The following ADAMTS18 variants were observed in gnomAD, a reference collection of about 807,000 sequenced individuals.
The protein encoded by ADAMTS18 is A disintegrin and metalloproteinase with thrombospondin motifs 18.
A neutral mutation model predicts 165.9 loss-of-function variants in ADAMTS18; 157 were observed. The ratio of observed to expected loss-of-function variants is 0.95; its 90% CI spans 0.83 to 1.08. The LOEUF is 1.08. Ranked by LOEUF, ADAMTS18 falls within the 50% of genes least tolerant of loss-of-function variation. The probability of loss-of-function intolerance (pLI) is 0.00; values close to 1 mark genes in which losing one functional copy is unlikely to be tolerated. For missense variants in ADAMTS18, 2,040 were observed against 1,534.0 expected (o/e 1.33, Z -5.51); for synonymous variants, 782 against 578.2 (o/e 1.35, Z -5.06).
Position 77,367,685 on chromosome 16 carries a change from G to C in ADAMTS18, c.534C>G (p.Ile178Met), listed in dbSNP as rs1224190745. Residue 178 changes from isoleucine to methionine, a missense_variant, in exon 4 of 23, where the codon ATC becomes ATG. Transcript: ENST00000282849. ...LIRTRKNEFL[I>M]SPLPQLLAQE... Reference sequence around the variant, plus strand: ...GGGCCAGAAGCTGAGGTAATGGCGAGATGAGGAATTCATTTTTTCGTGTCC... The same window carrying C: ...GGGCCAGAAGCTGAGGTAATGGCGACATGAGGAATTCATTTTTTCGTGTCC... 1 of 1,614,180 alleles carries C rather than the reference G, an allele frequency of 6.2e-7. No homozygotes were observed. Among genetic ancestry groups the C allele is most frequent in the Admixed American group, 1.7e-5 (1 of 60,024 alleles).
rs541216828 is a variant in ADAMTS18, at chr16:77,423,203, C to T, written c.495+8092G>A. Reference sequence around the variant, plus strand: ...TTGCAGTTAAATGTTCTAAAGGCCTCCCTGTGTGTTTTAGCTGAATCTCTT... The same window carrying T: ...TTGCAGTTAAATGTTCTAAAGGCCTTCCTGTGTGTTTTAGCTGAATCTCTT... On this transcript the variant is annotated intron_variant, in intron 3 of 22. Coordinates refer to ENST00000282849, the MANE Select transcript of ADAMTS18 (RefSeq NM_199355.4). Among the ~76,000 whole-genome samples the T allele has an allele frequency of 3.3e-5, 5 of 152,286 alleles. No homozygotes were observed. In the East Asian group the frequency reaches 7.7e-4, roughly 24 times the overall value.
intron 10 of ADAMTS18, among the ~76,000 whole-genome samples, chr16:77,342,485 C>G (rs530969897): frequency 6.6e-6 from 1 of 152,148 alleles, no homozygotes; most frequent in Non-Finnish European, 1.5e-5. Context: ...GAGACAGATT[C>G]TTGCTTTGTG....
intron 3 of ADAMTS18, among the ~76,000 whole-genome samples, chr16:77,369,462 T>G (rs1043246963): frequency 6.6e-6 from 1 of 152,164 alleles, no homozygotes; most frequent in Non-Finnish European, 1.5e-5. Flanking sequence ...ATTTTGGATG[T>G]AGGTGGTTAA....
intron 11 of ADAMTS18, among the ~76,000 whole-genome samples, chr16:77,336,578 G>A (rs965307619): frequency 9.9e-5 from 15 of 152,154 alleles, no homozygotes; most frequent in Non-Finnish European, 2.2e-4. Flanking sequence ...ATGCTCTGAT[G>A]ACTTTGAGCT....
At chr16:77,311,371 C>T (rs1410128459) in intron 16 of ADAMTS18, among the ~76,000 whole-genome samples, 1 of 152,120 alleles carries the variant, frequency 6.6e-6, no homozygotes, top group Non-Finnish European at 1.5e-5. Context: ...ATATGTTTGG[C>T]TCCAAAAGTA....
chr16:77,361,412 A>T (rs1395160729), intron 7 of ADAMTS18, among the ~76,000 whole-genome samples: 1 of 152,240 alleles, frequency 6.6e-6, no homozygotes, highest in East Asian at 1.9e-4. Flanking sequence ...TGAGTACTTC[A>T]AAGTCAAGTA....
rs2057738623 is a variant in ADAMTS18 at position 77,431,430 on chromosome 16, A to G, written c.360T>C (p.Ser120=). The part of the protein sequence containing the change: ...LELKPSAILS[S]HFIVQVLGKD... ...TTCCAAGTACCTGGACAATAAAGTG[A>G]CTGCTCAAAATCGCCGAGGGCTTAA... is the stretch of plus-strand genomic sequence containing the variant. Residue 120 remains serine (S), a synonymous_variant, in exon 3 of 23, where the codon AGT becomes AGC. Transcript: ENST00000282849. 1 of 1,614,086 alleles carries G rather than the reference A, an allele frequency of 6.2e-7. No individual in the cohort carries two copies. Among genetic ancestry groups the G allele is most frequent in the Admixed American group, 1.7e-5 (1 of 60,002 alleles).
chr16:77,362,010 ATTAAG>A, intron 7 of ADAMTS18, 90 bp downstream of exon 7: 1 of 1,357,958 alleles, frequency 7.4e-7, no homozygotes, highest in Non-Finnish European at 1.0e-6. Context: ...ATGTCTGTTT[ATTAAG>A]GAACATAAGG....
intron 3 of ADAMTS18, among the ~76,000 whole-genome samples, chr16:77,371,416 G>T (rs1244028140): frequency 6.6e-6 from 1 of 151,992 alleles, no homozygotes; most frequent in East Asian, 1.9e-4. Context: ...AAAAAACATG[G>T]CATAGGAATA....
At chr16:77,322,874 A>G (rs2056028369) in intron 13 of ADAMTS18, among the ~76,000 whole-genome samples, 1 of 152,214 alleles carries the variant, frequency 6.6e-6, no homozygotes, top group Non-Finnish European at 1.5e-5. Flanking sequence ...TTTGGCCAGC[A>G]GCCCATAGTT....
chr16:77,347,552 G>C (rs1001380535), intron 10 of ADAMTS18, among the ~76,000 whole-genome samples: 3 of 151,712 alleles, frequency 2.0e-5, no homozygotes, highest in African/African-American at 4.9e-5. Context: ...ATTCCTGAGA[G>C]CAATTGATAT....
At chr16:77,373,128 G>T (rs541636585) in intron 3 of ADAMTS18, among the ~76,000 whole-genome samples, 2 of 151,682 alleles carry the variant, frequency 1.3e-5, no homozygotes, top group East Asian at 3.9e-4. Flanking sequence ...TGGCTTTCTG[G>T]TGCTCATTGC....
chr16:77,430,636 A>G (rs2057727351), intron 3 of ADAMTS18, among the ~76,000 whole-genome samples: 1 of 152,226 alleles, frequency 6.6e-6, no homozygotes, highest in African/African-American at 2.4e-5. Context: ...TTGAATCCTG[A>G]GAAGAGTATC....
intron 10 of ADAMTS18, among the ~76,000 whole-genome samples, chr16:77,346,351 G>A (rs1458871066): frequency 3.3e-5 from 5 of 152,056 alleles, no homozygotes; most frequent in Non-Finnish European, 7.4e-5. Context: ...CCAAAACAGT[G>A]CCTGGTACAA....
At chr16:77,399,869 T>C (rs1237169680) in intron 3 of ADAMTS18, among the ~76,000 whole-genome samples, 1 of 152,190 alleles carries the variant, frequency 6.6e-6, no homozygotes, top group Non-Finnish European at 1.5e-5. Context: ...CCCTAAGTAA[T>C]AGTCTCTAGT....
In ADAMTS18 at chr16:77,356,086, G is replaced by C. The variant is rs773132447; in HGVS notation, c.1323-9C>G. ...CGTGAATCATACCAAAGCTGAAACA[G>C]AATGAAGAAAACAAAATCCTGCTTT... On this transcript the variant is annotated splice_polypyrimidine_tract_variant and intron_variant, in intron 8 of 22. Transcript: ENST00000282849. The C allele has an allele frequency of 4.3e-6, 7 of 1,613,986 alleles. No homozygotes were observed. Among genetic ancestry groups the C allele is most frequent in the East Asian group, 4.5e-5 (2 of 44,868 alleles).
At chr16:77,309,461 G>A (rs1386879292) in intron 16 of ADAMTS18, among the ~76,000 whole-genome samples, 1 of 152,150 alleles carries the variant, frequency 6.6e-6, no homozygotes, top group African/African-American at 2.4e-5. Flanking sequence ...TCATCCACCT[G>A]TTGCACATGT....
intron 21 of ADAMTS18, among the ~76,000 whole-genome samples, chr16:77,290,164 A>C (rs2055334969): frequency 6.6e-6 from 1 of 152,164 alleles, no homozygotes. Context: ...TTGTTATCAA[A>C]TTATCTAAAC....
intron 3 of ADAMTS18, among the ~76,000 whole-genome samples, chr16:77,397,538 G>A (rs1471048446): frequency 3.3e-5 from 5 of 152,178 alleles, no homozygotes; most frequent in Admixed American, 3.3e-4. Context: ...AGGTCTCATA[G>A]AATTTGGAGT....
Sources: gnomAD v4.1 joint callset for allele counts (sites outside exome capture counted in the v4.1 genomes callset) on GRCh38, gnomAD v4.1.1 for gene constraint, MANE v1.5 for transcripts, NCBI Gene and HGNC (gene_info 2026-07-23, HGNC 2026-07-21) for gene names.